The following ELMO1 variants were observed in gnomAD, a reference collection of about 807,000 sequenced individuals.
ELMO1 encodes the protein engulfment and cell motility 1.
In ELMO1, 26 loss-of-function variants were observed where a neutral mutation model predicts 98.9. The ratio of observed to expected loss-of-function variants is 0.26; its 90% CI spans 0.19 to 0.36. ELMO1 has a LOEUF of 0.36. Ranked by LOEUF, ELMO1 falls within the 10% of genes least tolerant of loss-of-function variation. The probability of loss-of-function intolerance (pLI) is 1.00; values close to 1 mark genes in which losing one functional copy is unlikely to be tolerated. For missense variants in ELMO1, 627 were observed against 935.2 expected (o/e 0.67, Z 4.30); for synonymous variants, 346 against 346.0 (o/e 1.00, Z 0.00).
intron 1 of ELMO1, among the ~76,000 whole-genome samples, chr7:37,434,402 C>T (rs1249299200): frequency 6.6e-6 from 1 of 152,126 alleles, no homozygotes; most frequent in African/African-American, 2.4e-5. Context: ...TTCATCATTC[C>T]TAAGTGGTTG....
chr7:37,082,700 C>T (rs1783535071), intron 15 of ELMO1, among the ~76,000 whole-genome samples: 1 of 151,714 alleles, frequency 6.6e-6, no homozygotes, highest in East Asian at 1.9e-4. Flanking sequence ...TACTGCACTC[C>T]AGCCCGGGTG....
At chr7:36,935,163 T>G (rs1240032241) in intron 16 of ELMO1, among the ~76,000 whole-genome samples, 1 of 152,188 alleles carries the variant, frequency 6.6e-6, no homozygotes, top group Non-Finnish European at 1.5e-5. Context: ...CATACTGTTC[T>G]CGCGCCAGTG....
chr7:36,986,952 T>C (rs796125974), intron 16 of ELMO1, among the ~76,000 whole-genome samples: 40 of 152,306 alleles, frequency 2.6e-4, no homozygotes, highest in African/African-American at 8.7e-4. Flanking sequence ...TAGAGGGGTA[T>C]CTTTAAAAAT....
intron 2 of ELMO1, among the ~76,000 whole-genome samples, chr7:37,319,111 C>A (rs999169387): frequency 6.6e-6 from 1 of 151,964 alleles, no homozygotes; most frequent in African/African-American, 2.4e-5. Flanking sequence ...ACAGCTGTAG[C>A]CCCACTCTCT....
intron 15 of ELMO1, among the ~76,000 whole-genome samples, chr7:37,062,932 T>C (rs1256002898): frequency 6.6e-6 from 1 of 152,166 alleles, no homozygotes; most frequent in Non-Finnish European, 1.5e-5. Flanking sequence ...TGGTATGACC[T>C]GACCAGCTGA....
intron 13 of ELMO1, among the ~76,000 whole-genome samples, chr7:37,166,238 T>C (rs890554861): frequency 6.6e-6 from 1 of 152,224 alleles, no homozygotes; most frequent in Non-Finnish European, 1.5e-5. Context: ...TTTTTTTCTT[T>C]ATTAGTCTTG....
intron 15 of ELMO1, among the ~76,000 whole-genome samples, chr7:37,073,400 A>C (rs1476130367): frequency 1.3e-5 from 2 of 152,224 alleles, no homozygotes; most frequent in Non-Finnish European, 2.9e-5. Context: ...GAGGATACAA[A>C]TATAGATACA....
At chr7:37,169,241 G>C (rs1481303487) in intron 13 of ELMO1, among the ~76,000 whole-genome samples, 1 of 152,206 alleles carries the variant, frequency 6.6e-6, no homozygotes, top group Non-Finnish European at 1.5e-5. Flanking sequence ...GGTGCCGTCT[G>C]TCACCCCTTT....
At chr7:36,980,087 G>A (rs145100318) in intron 16 of ELMO1, among the ~76,000 whole-genome samples, 176 of 152,290 alleles carry the variant, frequency 1.2e-3, no homozygotes, top group Admixed American at 3.9e-3. Flanking sequence ...CTCCCAAAGC[G>A]CAAGGCTGCA....
chr7:36,861,557 T>G (rs972421227), intron 21 of ELMO1, 102 bp downstream of exon 21: 1 of 1,375,206 alleles, frequency 7.3e-7, no homozygotes, highest in Non-Finnish European at 1.0e-6. Flanking sequence ...TGGTTCATCA[T>G]TTTTTCAGGC....
At chr7:36,998,854 C>A (rs534904278) in intron 16 of ELMO1, among the ~76,000 whole-genome samples, 1 of 151,678 alleles carries the variant, frequency 6.6e-6, no homozygotes, top group African/African-American at 2.4e-5. Context: ...CATGAAAAGG[C>A]GAGCTGGGAA....
chr7:36,971,014 C>T (rs934509874), intron 16 of ELMO1, among the ~76,000 whole-genome samples: 2 of 152,218 alleles, frequency 1.3e-5, no homozygotes, highest in Non-Finnish European at 2.9e-5. Flanking sequence ...GAGATGGGCC[C>T]ACCCTTGGGA....
chr7:37,155,705 A>C (rs200405068), intron 13 of ELMO1, among the ~76,000 whole-genome samples: 1 of 152,070 alleles, frequency 6.6e-6, no homozygotes, highest in East Asian at 1.9e-4. Flanking sequence ...AGAGACTCAG[A>C]CTCCCACTAA....
rs3054415 is a variant in ELMO1 at position 37,447,714 on chromosome 7, CCACACACA to C, written c.-74+953_-74+960del. The stretch of plus-strand genomic sequence containing the variant: ...ACATACATACGCGCGCGCGCACACA[CCACACACA>C]CACACACACACACACACACACACAC... On this transcript the variant is annotated intron_variant, in intron 1 of 21. Coordinates refer to ENST00000310758, the MANE Select transcript of ELMO1 (RefSeq NM_014800.11). Among the ~76,000 whole-genome samples, 1,134 of 132,232 alleles carry C rather than the reference CCACACACA, an allele frequency of 8.6e-3. 19 individuals carry two copies. The highest frequency in any genetic ancestry group is 0.028 in the African/African-American group (918 of 32,542). 86.7% of individuals were successfully genotyped at this position (132,232 alleles called of 152,430 possible).
chr7:37,166,588 G>A (rs894808241), intron 13 of ELMO1, among the ~76,000 whole-genome samples: 47 of 152,078 alleles, frequency 3.1e-4, no homozygotes, highest in African/African-American at 7.7e-4. Context: ...CCTTCATTTC[G>A]TTATGTACCC....
intron 16 of ELMO1, among the ~76,000 whole-genome samples, chr7:36,977,411 A>T (rs1790648704): frequency 6.6e-6 from 1 of 152,242 alleles, no homozygotes; most frequent in Non-Finnish European, 1.5e-5. Flanking sequence ...AGACAGAGAC[A>T]GATCACCACA....
At chr7:36,904,380 G>T (rs1214352658) in intron 16 of ELMO1, among the ~76,000 whole-genome samples, 1 of 152,214 alleles carries the variant, frequency 6.6e-6, no homozygotes. Context: ...AACAGGAATG[G>T]ATGGCAGGGG....
At chr7:37,092,917 T>C (rs1784195363) in intron 15 of ELMO1, among the ~76,000 whole-genome samples, 1 of 146,236 alleles carries the variant, frequency 6.8e-6, no homozygotes, top group African/African-American at 2.5e-5. Flanking sequence ...TTCTTTTTCT[T>C]TTTTTTTTTT....
chr7:37,008,185 G>A (rs1228204769), intron 16 of ELMO1, among the ~76,000 whole-genome samples: 1 of 152,180 alleles, frequency 6.6e-6, no homozygotes, highest in Non-Finnish European at 1.5e-5. Context: ...CCAATGCTAG[G>A]AACAAATATT....
Sources: allele counts gnomAD v4.1 joint callset (sites outside exome capture counted in the v4.1 genomes callset), GRCh38; gene constraint gnomAD v4.1.1; transcripts MANE v1.5; gene names NCBI Gene and HGNC (gene_info 2026-07-23, HGNC 2026-07-21).